THADA: variants seen among roughly 807,000 people sequenced by gnomAD.
THADA encodes the protein THADA armadillo repeat containing.
THADA carries 213 observed loss-of-function variants against 219.8 expected under a neutral mutation model. That is an observed-to-expected ratio of 0.97 (90% CI 0.87 to 1.09). The LOEUF is 1.09. Ranked by LOEUF, THADA falls within the 50% of genes least tolerant of loss-of-function variation. The pLI, the probability that THADA is intolerant of heterozygous loss-of-function variation, is 0.00. For synonymous variants in THADA, 1,018 were observed against 828.9 expected, an observed-to-expected ratio of 1.23 and a Z score of -3.92; for missense variants, 2,956 against 2,311.3, an observed-to-expected ratio of 1.28 and a Z score of -5.72.
chr2:43,468,234 G>A (rs1684494265), intron 26 of THADA, among the ~76,000 whole-genome samples: 2 of 152,140 alleles, frequency 1.3e-5, no homozygotes, highest in Admixed American at 6.5e-5. Flanking sequence ...AGGGAGTAAC[G>A]CTGTTGTTAA....
intron 27 of THADA, among the ~76,000 whole-genome samples, chr2:43,429,035 G>A (rs540898072): frequency 6.6e-6 from 1 of 151,992 alleles, no homozygotes; most frequent in African/African-American, 2.4e-5. Flanking sequence ...CAAAATTATA[G>A]GAAAAATACA....
intron 29 of THADA, among the ~76,000 whole-genome samples, chr2:43,395,929 G>A (rs111704952): frequency 0.073 from 11,093 of 152,066 alleles, 529 homozygotes; most frequent in Middle Eastern, 0.11. Flanking sequence ...GTTAATTTAT[G>A]TAATTTTAGT....
chr2:43,250,152 T>C (rs1382758082), intron 36 of THADA, among the ~76,000 whole-genome samples: 1 of 152,136 alleles, frequency 6.6e-6, no homozygotes, highest in Non-Finnish European at 1.5e-5. Context: ...ACAACACAAA[T>C]GTCCATCCAT....
chr2:43,511,101 G>A (rs931906134), intron 22 of THADA, among the ~76,000 whole-genome samples: 1 of 151,984 alleles, frequency 6.6e-6, no homozygotes, highest in African/African-American at 2.4e-5. Flanking sequence ...ATATCTGTGG[G>A]CTTAATTTAT....
intron 36 of THADA, among the ~76,000 whole-genome samples, chr2:43,274,665 T>C (rs1336805577): frequency 6.6e-6 from 1 of 152,122 alleles, no homozygotes; most frequent in African/African-American, 2.4e-5. Flanking sequence ...GCATTCCCGC[T>C]AAATGTCCAT....
intron 20 of THADA, among the ~76,000 whole-genome samples, chr2:43,546,326 C>A (rs573448177): frequency 2.0e-5 from 3 of 152,070 alleles, no homozygotes; most frequent in Non-Finnish European, 4.4e-5. Flanking sequence ...TGGTGTGGTG[C>A]TGAAAAAAAT....
chr2:43,449,436 T>C (rs1682024384), intron 26 of THADA, among the ~76,000 whole-genome samples: 1 of 152,102 alleles, frequency 6.6e-6, no homozygotes, highest in Non-Finnish European at 1.5e-5. Flanking sequence ...TTCCCAAGTT[T>C]GATGAAAGAC....
chr2:43,494,479 C>T lies in THADA; in HGVS notation c.3744+4354G>A, dbSNP rs189979006. On this transcript the variant is annotated intron_variant, in intron 25 of 37. Coordinates refer to ENST00000405975, the MANE Select transcript of THADA (RefSeq NM_022065.5). ...GTACCTTCTTTGTATTCTTAAAATA[C>T]CCAAACATCTCCTCTACAATAGCAC... Among the ~76,000 whole-genome samples, 384 of 152,214 alleles carry T rather than the reference C, an allele frequency of 2.5e-3. 3 individuals are homozygous for T. Among genetic ancestry groups the T allele is most frequent in the Non-Finnish European group, 2.6e-3 (177 of 68,012 alleles).
intron 30 of THADA, among the ~76,000 whole-genome samples, chr2:43,324,784 G>C (rs754888036): frequency 1.8e-4 from 27 of 152,110 alleles, no homozygotes; most frequent in Non-Finnish European, 7.3e-5. Context: ...AGCTGGACAG[G>C]AAACTAAGCC....
At chr2:43,540,829 G>C (rs1289070413) in intron 21 of THADA, among the ~76,000 whole-genome samples, 1 of 152,126 alleles carries the variant, frequency 6.6e-6, no homozygotes, top group Non-Finnish European at 1.5e-5. Flanking sequence ...GAGATTTGTG[G>C]AGTTTTACTA....
chr2:43,344,686 G>A (rs1667438601), intron 29 of THADA, among the ~76,000 whole-genome samples: 2 of 152,092 alleles, frequency 1.3e-5, no homozygotes, highest in Non-Finnish European at 2.9e-5. Context: ...TAGAACAGTC[G>A]TGGCTAAAGA....
At chr2:43,302,597 C>T (rs1034289145) in intron 31 of THADA, among the ~76,000 whole-genome samples, 2 of 152,014 alleles carry the variant, frequency 1.3e-5, no homozygotes, top group African/African-American at 4.8e-5. Context: ...AATGAAATGT[C>T]ACAATGTGGC....
At chr2:43,501,307 CA>C (rs60448094) in intron 24 of THADA, among the ~76,000 whole-genome samples, 692 of 14,900 alleles carry the variant, frequency 0.046, 1 homozygote, top group Non-Finnish European at 0.062. Context: ...ACTCCAACTC[CA>C]AAAAAAAAAA....
At chr2:43,510,981 A>T (rs991267529) in intron 22 of THADA, among the ~76,000 whole-genome samples, 6 of 145,756 alleles carry the variant, frequency 4.1e-5, no homozygotes, top group Non-Finnish European at 7.5e-5. Flanking sequence ...AAAAAAAACT[A>T]AAAAAATTTA....
At chr2:43,488,968 T>C (rs1387031760) in intron 25 of THADA, among the ~76,000 whole-genome samples, 1 of 152,216 alleles carries the variant, frequency 6.6e-6, no homozygotes, top group African/African-American at 2.4e-5. Context: ...CTATCTTTTT[T>C]GGAGATAAAT....
intron 29 of THADA, among the ~76,000 whole-genome samples, chr2:43,369,535 G>A (rs1249919022): frequency 6.6e-6 from 1 of 151,944 alleles, no homozygotes; most frequent in African/African-American, 2.4e-5. Context: ...TGTACATTAC[G>A]TCCCTCTCTT....
chr2:43,246,538 G>T (rs979610454), intron 36 of THADA, among the ~76,000 whole-genome samples: 5 of 151,824 alleles, frequency 3.3e-5, no homozygotes, highest in African/African-American at 1.2e-4. Context: ...ACAGAATCCA[G>T]AAAGTTCCCT....
At chr2:43,283,327 G>A (rs1169825340) in intron 35 of THADA, among the ~76,000 whole-genome samples, 2 of 152,222 alleles carry the variant, frequency 1.3e-5, no homozygotes, top group Non-Finnish European at 1.5e-5. Flanking sequence ...GGTACTGGAA[G>A]TGGAGCACTG....
chr2:43,258,182 G>GT (rs1670538318), intron 36 of THADA, among the ~76,000 whole-genome samples: 1 of 152,172 alleles, frequency 6.6e-6, no homozygotes, highest in Non-Finnish European at 1.5e-5. Context: ...TCCTTTTAGT[G>GT]TAAGTATTCC....
Sources: allele counts gnomAD v4.1 joint callset (sites outside exome capture counted in the v4.1 genomes callset), GRCh38; gene constraint gnomAD v4.1.1; transcripts MANE v1.5; gene names NCBI Gene and HGNC (gene_info 2026-07-23, HGNC 2026-07-21).